Variants in MXI1 observed in about 807,000 individuals in gnomAD.
The protein encoded by MXI1 is max-interacting protein 1.
Under a neutral mutation model 36.9 loss-of-function variants are expected in MXI1, and 18 were observed. The ratio of observed to expected loss-of-function variants is 0.49; its 90% CI spans 0.34 to 0.72. MXI1 has a LOEUF of 0.72. Ranked by LOEUF, MXI1 falls within the 30% of genes least tolerant of loss-of-function variation. MXI1 has a pLI of 0.01. For missense variants in MXI1, 304 were observed against 379.1 expected (o/e 0.80, Z 1.64); for synonymous variants, 160 against 146.7 (o/e 1.09, Z -0.65).
intron 1 of MXI1, chr10:110,227,429 TG>T: frequency 2.0e-6 from 2 of 986,032 alleles, no homozygotes; most frequent in African/African-American, 1.8e-5. Flanking sequence ...GGTGGGGCTG[TG>T]GGTGTGCGGC....
chr10:110,274,638 A>G (rs1394051642), intron 3 of MXI1, among the ~76,000 whole-genome samples: 1 of 152,198 alleles, frequency 6.6e-6, no homozygotes, highest in East Asian at 1.9e-4. Flanking sequence ...CATTAAGTCT[A>G]GTTCTATAAA....
At chr10:110,271,101 A>G (rs1421785284) in intron 3 of MXI1, among the ~76,000 whole-genome samples, 1 of 151,974 alleles carries the variant, frequency 6.6e-6, no homozygotes, top group Non-Finnish European at 1.5e-5. Flanking sequence ...CAAAAAAAAA[A>G]AAAAGTGTTG....
intron 3 of MXI1, among the ~76,000 whole-genome samples, chr10:110,273,937 G>GA (rs1856944263): frequency 6.6e-6 from 1 of 152,150 alleles, no homozygotes; most frequent in Non-Finnish European, 1.5e-5. Context: ...AAGACTACTT[G>GA]AAAAACATAA....
chr10:110,243,029 A>G (rs546477933), intron 2 of MXI1, among the ~76,000 whole-genome samples: 14 of 152,126 alleles, frequency 9.2e-5, no homozygotes, highest in African/African-American at 3.1e-4. Context: ...TATTTATTCA[A>G]ATTTTGAATT....
intron 3 of MXI1, among the ~76,000 whole-genome samples, chr10:110,277,828 C>A (rs774452977): frequency 5.3e-5 from 8 of 152,210 alleles, no homozygotes; most frequent in Non-Finnish European, 1.2e-4. Context: ...CCTTAATCAT[C>A]CTTGCTTGTC....
At chr10:110,229,079 A>G (rs751306699) in intron 2 of MXI1, among the ~76,000 whole-genome samples, 1 of 152,170 alleles carries the variant, frequency 6.6e-6, no homozygotes, top group Admixed American at 6.5e-5. Flanking sequence ...TAGATGTACT[A>G]AGATGTAGCT....
chr10:110,286,952 G>C lies in MXI1; in HGVS notation c.*1965G>C, dbSNP rs965502077. 1 of 152,246 alleles carries C rather than the reference G, an allele frequency of 6.6e-6. No individual in the cohort carries two copies. The highest frequency in any genetic ancestry group is 6.5e-5 in the Admixed American group (1 of 15,294). The allele number at this position is 152,246 out of a possible 1,614,324, so 9.4% of individuals were successfully genotyped here. On this transcript the variant is annotated 3_prime_UTR_variant, in exon 6 of 6. Coordinates refer to ENST00000332674, the MANE Select transcript of MXI1 (RefSeq NM_130439.3). Reference sequence around the variant, plus strand: ...TTTGTGGCCCAGGTAAATTATTTCTGGTTTCACTTATAATTACTAATGGCT... The same window carrying C: ...TTTGTGGCCCAGGTAAATTATTTCTCGTTTCACTTATAATTACTAATGGCT...
chr10:110,260,690 C>T (rs1856482354), intron 3 of MXI1, among the ~76,000 whole-genome samples: 1 of 151,734 alleles, frequency 6.6e-6, no homozygotes, highest in Admixed American at 6.6e-5. Flanking sequence ...AGAATTTGCC[C>T]TAAGAAACAT....
chr10:110,214,148 C>A (rs1324974090), intron 1 of MXI1, among the ~76,000 whole-genome samples: 1 of 152,214 alleles, frequency 6.6e-6, no homozygotes, highest in African/African-American at 2.4e-5. Flanking sequence ...ACCATATACA[C>A]ATGTACTCAT....
rs1057299809 is a variant in MXI1 at position 110,236,550 on chromosome 10, G to T, written c.407+8229G>T. ...GGCCCACTGCAGCCTTAACCTTCTC[G>T]GGCTCAGGTGATTCTCCCATCGCAG... On this transcript the variant is annotated intron_variant, in intron 2 of 5. Coordinates refer to ENST00000332674, the MANE Select transcript of MXI1 (RefSeq NM_130439.3). 3.3e-5 allele frequency among the ~76,000 whole-genome samples: 5 copies of T among 151,982 alleles called. No homozygotes were observed. In the South Asian group the frequency reaches 1.0e-3, roughly 32 times the overall value.
At chr10:110,222,687 C>T (rs1854848276) in intron 1 of MXI1, among the ~76,000 whole-genome samples, 1 of 152,154 alleles carries the variant, frequency 6.6e-6, no homozygotes, top group South Asian at 2.1e-4. Context: ...GTTCTTATGT[C>T]AGTAGACTTT....
chr10:110,210,336 C>G, intron 1 of MXI1: 1 of 959,490 alleles, frequency 1.0e-6, no homozygotes, highest in Non-Finnish European at 1.2e-6. Flanking sequence ...AGTCCCTCGG[C>G]CCCGCAGCCC....
intron 2 of MXI1, among the ~76,000 whole-genome samples, chr10:110,236,359 T>C (rs1331491288): frequency 6.6e-6 from 1 of 152,104 alleles, no homozygotes; most frequent in Non-Finnish European, 1.5e-5. Flanking sequence ...TTATAGTTTT[T>C]CAAAAAGTTA....
At chr10:110,209,986 C>G (rs1403560869) in intron 1 of MXI1, among the ~76,000 whole-genome samples, 1 of 142,268 alleles carries the variant, frequency 7.0e-6, no homozygotes. Flanking sequence ...TCCTCAGCGT[C>G]CCGCCCCCCA....
At position 110,279,077 on chromosome 10, in the gene MXI1, A is replaced by G. The variant is rs1327445962; in HGVS notation, c.438-103A>G. 7.1e-6 allele frequency: 6 copies of G among 842,554 alleles called. No homozygotes were observed. The Admixed American group carries it at 1.3e-4, about 19-fold the overall frequency. 52.2% of individuals were successfully genotyped at this position (842,554 alleles called of 1,614,324 possible). A position where few individuals can be genotyped will look rare whatever the true frequency, so the allele number is the denominator to read the frequency against. ...GAATTAGGGGTGTGACATCTATCCT[A>G]TAGGCTGAATAAATGCAAATTATTG... is the stretch of plus-strand genomic sequence containing the variant. On this transcript the variant is annotated intron_variant, in intron 3 of 5. Coordinates refer to ENST00000332674, the MANE Select transcript of MXI1 (RefSeq NM_130439.3).
chr10:110,260,755 A>G (rs1011657165), intron 3 of MXI1, among the ~76,000 whole-genome samples: 2 of 152,082 alleles, frequency 1.3e-5, no homozygotes, highest in Non-Finnish European at 2.9e-5. Context: ...ACACATACAC[A>G]CACTCATATG....
intron 2 of MXI1, among the ~76,000 whole-genome samples, chr10:110,239,243 T>C (rs944250630): frequency 3.3e-5 from 5 of 152,144 alleles, no homozygotes; most frequent in Admixed American, 6.6e-5. Flanking sequence ...AACCAGAAGA[T>C]CTCCAGACAT....
Position 110,285,918 on chromosome 10 carries a change from A to T in MXI1, c.*931A>T, listed in dbSNP as rs1857417387. On this transcript the variant is annotated 3_prime_UTR_variant, in exon 6 of 6. Transcript: ENST00000332674. ...TAACTGTTTATATGTGTTGAAAACC[A>T]AAATGACATCTTTTTAAAGCTTATC... is the stretch of plus-strand genomic sequence containing the variant. 6.6e-6 allele frequency: 1 copy of T among 152,662 alleles called. No individual in the cohort carries two copies. The highest frequency in any genetic ancestry group is 6.5e-5 in the Admixed American group (1 of 15,282). 9.5% of individuals were successfully genotyped at this position (152,662 alleles called of 1,614,324 possible).
chr10:110,236,576 C>G (rs946123474), intron 2 of MXI1, among the ~76,000 whole-genome samples: 2 of 152,126 alleles, frequency 1.3e-5, no homozygotes, highest in Admixed American at 1.3e-4. Context: ...CCCATCGCAG[C>G]CTCCTGAGTG....
Sources: gnomAD v4.1 joint callset for allele counts (sites outside exome capture counted in the v4.1 genomes callset) on GRCh38, gnomAD v4.1.1 for gene constraint, MANE v1.5 for transcripts, NCBI Gene and HGNC (gene_info 2026-07-23, HGNC 2026-07-21) for gene names.